Variants in PHC3 observed in about 807,000 individuals in gnomAD.
The protein encoded by PHC3 is polyhomeotic-like protein 3.
Under a neutral mutation model 107.4 loss-of-function variants are expected in PHC3, and 13 were observed. The observed-to-expected ratio is 0.12, with a 90% CI of 0.08 to 0.19. The LOEUF is 0.19. PHC3 is among the 10% of genes least tolerant of loss of function. The pLI is 1.00. For synonymous variants in PHC3, 456 were observed against 427.4 expected (o/e 1.07, Z -0.83); for missense variants, 992 against 1,210.9 (o/e 0.82, Z 2.68).
At position 170,173,134 on chromosome 3, in the gene PHC3, G is replaced by A. The variant is rs142255466; in HGVS notation, c.181-422C>T. On this transcript the variant is annotated intron_variant, in intron 2 of 14. Coordinates refer to ENST00000495893, the MANE Select transcript of PHC3 (RefSeq NM_024947.4). ...TTGAACCTGTGAGGTGAAGGCTGCA[G>A]TTGAGCCAAGATCATGCCACTGCAC... 3.5e-3 allele frequency among the ~76,000 whole-genome samples: 534 copies of A among 151,310 alleles called. 4 individuals are homozygous for A. The highest frequency in any genetic ancestry group is 0.012 in the African/African-American group (515 of 41,226).
chr3:170,117,865 TAGC>T (rs1719362930), intron 9 of PHC3, among the ~76,000 whole-genome samples: 1 of 150,868 alleles, frequency 6.6e-6, no homozygotes, highest in East Asian at 2.0e-4. Context: ...AAAACAAAAT[TAGC>T]AGAGCATGGT....
intron 2 of PHC3, among the ~76,000 whole-genome samples, chr3:170,175,433 G>A (rs1353900709): frequency 6.6e-6 from 1 of 151,676 alleles, no homozygotes; most frequent in African/African-American, 2.4e-5. Flanking sequence ...AAGCCAGAAG[G>A]TCAAGACTAG....
chr3:170,117,393 G>A lies in PHC3; in HGVS notation c.2026C>T (p.Pro676Ser), dbSNP rs370378120. 6.2e-7 allele frequency: 1 copy of A among 1,613,882 alleles called. No individual in the cohort carries two copies. Residue 676 changes from proline (P) to serine (S), a missense_variant, in exon 10 of 15, where the codon CCA becomes TCA. Around this residue, in one of 6 missense-constraint regions of PHC3, gnomAD observed 543 missense variants for 590.8 expected, o/e 0.92. Coordinates refer to ENST00000495893, the MANE Select transcript of PHC3 (RefSeq NM_024947.4). ...PSDPSHVSVP[P>S]PPLLLPAATT... is the part of the protein sequence containing the mutation. The stretch of plus-strand genomic sequence containing the variant: ...GCAGCTGGAAGTAACAATGGAGGTG[G>A]TGGAACAGAAACATGTGAGGGATCT...
At chr3:170,174,358 A>G (rs1399814970) in intron 2 of PHC3, among the ~76,000 whole-genome samples, 1 of 152,226 alleles carries the variant, frequency 6.6e-6, no homozygotes, top group African/African-American at 2.4e-5. Context: ...AGTGTTAATT[A>G]CTGTGAATAT....
chr3:170,103,694 A>C (rs1471367531), intron 12 of PHC3, among the ~76,000 whole-genome samples: 1 of 152,214 alleles, frequency 6.6e-6, no homozygotes, highest in East Asian at 1.9e-4. Context: ...TTTAAGTTTC[A>C]TGGGCCATAT....
At chr3:170,180,967 A>G (rs1731291252) in intron 1 of PHC3, among the ~76,000 whole-genome samples, 3 of 152,232 alleles carry the variant, frequency 2.0e-5, no homozygotes. Context: ...TGCAAAATAC[A>G]GCCAGCAGTT....
chr3:170,160,372 T>C (rs1469963624), intron 4 of PHC3, among the ~76,000 whole-genome samples: 1 of 152,232 alleles, frequency 6.6e-6, no homozygotes, highest in South Asian at 2.1e-4. Flanking sequence ...TATTATATTA[T>C]TTACTGTTTG....
At chr3:170,149,393 A>G in intron 4 of PHC3, 149 bp from the exon 5 acceptor site, 3 of 635,040 alleles carry the variant, frequency 4.7e-6, no homozygotes, top group Non-Finnish European at 5.0e-6. Context: ...AGACCCCCTC[A>G]TTTCTTTGGG....
chr3:170,109,434 T>C (rs1717195927), intron 11 of PHC3, among the ~76,000 whole-genome samples: 1 of 152,130 alleles, frequency 6.6e-6, no homozygotes, highest in Non-Finnish European at 1.5e-5. Context: ...GACAGAGACA[T>C]AAGACCCTGG....
chr3:170,102,163 A>G, intron 14 of PHC3: 1 of 985,360 alleles, frequency 1.0e-6, no homozygotes, highest in Non-Finnish European at 1.2e-6. Flanking sequence ...TGTCTGATTC[A>G]ATCTCTCTAC....
intron 4 of PHC3, among the ~76,000 whole-genome samples, chr3:170,166,563 T>C (rs947623413): frequency 6.6e-6 from 1 of 152,204 alleles, no homozygotes; most frequent in Non-Finnish European, 1.5e-5. Flanking sequence ...ATATTATTTA[T>C]AATTTTTCAC....
intron 4 of PHC3, among the ~76,000 whole-genome samples, chr3:170,163,861 CAAAAAAAAAAAA>C (rs200514068): frequency 8.2e-5 from 7 of 85,120 alleles, no homozygotes; most frequent in South Asian, 3.7e-4. Context: ...AGACTCTGTC[CAAAAAAAAAAAA>C]AAAAAAAAAA....
intron 2 of PHC3, among the ~76,000 whole-genome samples, chr3:170,175,135 C>T (rs1317004965): frequency 6.6e-6 from 1 of 151,952 alleles, no homozygotes; most frequent in Non-Finnish European, 1.5e-5. Context: ...AAGAGAATTC[C>T]CAGGACAGAA....
rs1296727463 is a variant in PHC3, at chr3:170,093,875, A to T, written c.*3355T>A. On this transcript the variant is annotated 3_prime_UTR_variant, in exon 15 of 15. Coordinates refer to ENST00000495893, the MANE Select transcript of PHC3 (RefSeq NM_024947.4). ...CACCAGGAAACAAAAATCAACTGGG[A>T]TCCCTAATGAAAGAAAATTATTTCT... is the stretch of plus-strand genomic sequence containing the variant. The T allele has an allele frequency of 3.9e-5, 6 of 152,336 alleles. No homozygotes were observed. Among genetic ancestry groups the T allele is most frequent in the African/African-American group, 1.4e-4 (6 of 41,592 alleles). The allele number at this position is 152,336 out of a possible 1,614,324, so 9.4% of individuals were successfully genotyped here.
intron 2 of PHC3, among the ~76,000 whole-genome samples, chr3:170,177,934 G>C (rs189598372): frequency 3.0e-4 from 45 of 152,216 alleles, no homozygotes; most frequent in African/African-American, 1.1e-3. Flanking sequence ...GTCTCCCACA[G>C]TGTTGGGATT....
chr3:170,132,481 G>C (rs1722417304), intron 7 of PHC3, among the ~76,000 whole-genome samples: 2 of 152,294 alleles, frequency 1.3e-5, no homozygotes, highest in Middle Eastern at 3.4e-3. Flanking sequence ...CTCTAAGGAA[G>C]TAACAAAGGT....
At chr3:170,119,742 A>G (rs1410892821) in intron 9 of PHC3, among the ~76,000 whole-genome samples, 1 of 152,258 alleles carries the variant, frequency 6.6e-6, no homozygotes, top group Non-Finnish European at 1.5e-5. Context: ...ACTTTCAAAA[A>G]ATTTTAAAGA....
chr3:170,128,492 C>A, intron 8 of PHC3, 192 bp downstream of exon 8: 5 of 1,127,824 alleles, frequency 4.4e-6, no homozygotes, highest in Non-Finnish European at 6.1e-6. Flanking sequence ...ATAAAGCATG[C>A]AACCACACTA....
At chr3:170,164,981 C>G (rs1162835944) in intron 4 of PHC3, among the ~76,000 whole-genome samples, 1 of 152,190 alleles carries the variant, frequency 6.6e-6, no homozygotes, top group African/African-American at 2.4e-5. Flanking sequence ...ATATAGAGAA[C>G]AGGACTTTCA....
Sources: allele counts gnomAD v4.1 joint callset (sites outside exome capture counted in the v4.1 genomes callset), GRCh38; gene constraint gnomAD v4.1.1; regional missense constraint gnomAD v4.1.1; transcripts MANE v1.5; gene names NCBI Gene and HGNC (gene_info 2026-07-23, HGNC 2026-07-21).